The following EMCN variants were observed in gnomAD, a reference collection of about 807,000 sequenced individuals.
The protein encoded by EMCN is endomucin.
A neutral mutation model predicts 38.4 loss-of-function variants in EMCN; 37 were observed. The observed-to-expected ratio is 0.96, with a 90% CI of 0.74 to 1.27. EMCN has a LOEUF of 1.27. EMCN is among the 50% of genes most tolerant of loss of function. The probability of loss-of-function intolerance (pLI) is 0.00; values close to 1 mark genes in which losing one functional copy is unlikely to be tolerated. For missense variants in EMCN, 318 were observed against 302.8 expected (o/e 1.05, Z -0.37); for synonymous variants, 95 against 100.8 (o/e 0.94, Z 0.35).
At chr4:100,419,822 C>T (rs1726837682) in intron 8 of EMCN, among the ~76,000 whole-genome samples, 1 of 151,940 alleles carries the variant, frequency 6.6e-6, no homozygotes. Flanking sequence ...TACTTTTCAC[C>T]AAGAGCTAAA....
intron 10 of EMCN, among the ~76,000 whole-genome samples, chr4:100,414,348 CTTTTT>C (rs5860622): frequency 2.8e-3 from 169 of 59,774 alleles, no homozygotes; most frequent in African/African-American, 0.011. Flanking sequence ...TGCTTGAGCA[CTTTTT>C]TTTTTTTTTT....
Position 100,508,569 on chromosome 4 carries a change from A to G in EMCN, c.64+9282T>C, listed in dbSNP as rs114048796. On this transcript the variant is annotated intron_variant, in intron 1 of 11. Coordinates refer to ENST00000296420, the MANE Select transcript of EMCN (RefSeq NM_016242.4). ...GCTTTTGCTTCTGCACAAGATTAGG[A>G]TAAAGTTAATTACTCAACATACTGA... Among the ~76,000 whole-genome samples, 788 of 152,316 alleles carry G rather than the reference A, an allele frequency of 5.2e-3. 5 individuals carry two copies. The highest frequency in any genetic ancestry group is 8.5e-3 in the Non-Finnish European group (575 of 68,036).
chr4:100,477,379 G>T (rs970145580), intron 2 of EMCN, among the ~76,000 whole-genome samples: 1 of 152,150 alleles, frequency 6.6e-6, no homozygotes, highest in Non-Finnish European at 1.5e-5. Flanking sequence ...CACAAAATGT[G>T]CATTGCACTT....
At chr4:100,427,315 A>C (rs1265685912) in intron 5 of EMCN, among the ~76,000 whole-genome samples, 1 of 152,076 alleles carries the variant, frequency 6.6e-6, no homozygotes, top group East Asian at 1.9e-4. Context: ...TCTGTCTTCC[A>C]GGCTGAATTG....
At chr4:100,487,733 A>G (rs557094092) in intron 1 of EMCN, among the ~76,000 whole-genome samples, 45 of 152,320 alleles carry the variant, frequency 3.0e-4, no homozygotes, top group Middle Eastern at 6.8e-3. Context: ...CATGTAAGAC[A>G]TGAGTTTGCT....
intron 1 of EMCN, among the ~76,000 whole-genome samples, chr4:100,486,248 A>G (rs1560636206): frequency 6.6e-6 from 1 of 152,210 alleles, no homozygotes; most frequent in Non-Finnish European, 1.5e-5. Context: ...GAAAAGCCAG[A>G]TAACTGAACA....
Position 100,397,796 on chromosome 4 carries a change from T to C in EMCN, c.*617A>G, listed in dbSNP as rs1280147636. 2.0e-5 allele frequency: 3 copies of C among 152,146 alleles called. No homozygotes were observed. The highest frequency in any genetic ancestry group is 7.2e-5 in the African/African-American group (3 of 41,442). The allele number at this position is 152,146 out of a possible 1,614,324, so 9.4% of individuals were successfully genotyped here. A position where few individuals can be genotyped will look rare whatever the true frequency, so the allele number is the denominator to read the frequency against. On this transcript the variant is annotated 3_prime_UTR_variant, in exon 12 of 12. Coordinates refer to ENST00000296420, the MANE Select transcript of EMCN (RefSeq NM_016242.4). The stretch of plus-strand genomic sequence containing the variant: ...TCATAATTATAGGAAGACAATAACA[T>C]TGCCATTTTCACAGTCATGTTATAG...
chr4:100,450,066 T>C (rs1211556643), intron 4 of EMCN, among the ~76,000 whole-genome samples: 1 of 152,066 alleles, frequency 6.6e-6, no homozygotes, highest in East Asian at 1.9e-4. Context: ...TGAGTGAAGA[T>C]ATTTTCAATT....
At position 100,416,751 on chromosome 4, in the gene EMCN, A is replaced by G. The variant is rs1269685466; in HGVS notation, c.689+366T>C. On this transcript the variant is annotated intron_variant, in intron 9 of 11. Transcript: ENST00000296420. Reference sequence around the variant, plus strand: ...TCAAAGTAAAACAGCCATCTACCTTAAAGGCACTGAGAACTGGCTCAAGGT... The same window carrying G: ...TCAAAGTAAAACAGCCATCTACCTTGAAGGCACTGAGAACTGGCTCAAGGT... 2.0e-5 allele frequency among the ~76,000 whole-genome samples: 3 copies of G among 152,174 alleles called. No individual in the cohort carries two copies. The South Asian group carries it at 6.2e-4, about 31-fold the overall frequency.
At chr4:100,501,293 T>C (rs1385888671) in intron 1 of EMCN, among the ~76,000 whole-genome samples, 1 of 152,178 alleles carries the variant, frequency 6.6e-6, no homozygotes, top group Non-Finnish European at 1.5e-5. Context: ...GCAGCATTTA[T>C]TGAAAAGATC....
intron 1 of EMCN, among the ~76,000 whole-genome samples, chr4:100,487,255 C>G (rs974087961): frequency 7.2e-5 from 11 of 152,140 alleles, no homozygotes; most frequent in Admixed American, 6.5e-4. Context: ...TAAGCAACAA[C>G]AAATCCTTAT....
At chr4:100,421,655 G>C (rs1726892325) in intron 7 of EMCN, among the ~76,000 whole-genome samples, 1 of 151,952 alleles carries the variant, frequency 6.6e-6, no homozygotes, top group Non-Finnish European at 1.5e-5. Flanking sequence ...GTGGGGAGAT[G>C]GGAGACTGGA....
At chr4:100,493,444 G>A (rs1278119322) in intron 1 of EMCN, among the ~76,000 whole-genome samples, 1 of 152,132 alleles carries the variant, frequency 6.6e-6, no homozygotes, top group Non-Finnish European at 1.5e-5. Flanking sequence ...TGGTTCTGTG[G>A]GCTCCACATT....
chr4:100,480,052 AAGT>A lies in EMCN; in HGVS notation c.65-16_65-14del. On this transcript the variant is annotated splice_polypyrimidine_tract_variant and intron_variant, in intron 1 of 11. Coordinates refer to ENST00000296420, the MANE Select transcript of EMCN (RefSeq NM_016242.4). Reference sequence around the variant, plus strand: ...GCCTCTAAAACACCTGAAAAAAGTAAAGTAGTTGCATTAACATTTACATATAGT... The same window carrying A: ...GCCTCTAAAACACCTGAAAAAAGTAAAGTTGCATTAACATTTACATATAGT... 1 of 1,602,586 alleles carries A rather than the reference AAGT, an allele frequency of 6.2e-7. No homozygotes were observed. Among genetic ancestry groups the A allele is most frequent in the African/African-American group, 1.3e-5 (1 of 74,382 alleles).
At chr4:100,444,141 AG>A (rs1370674598) in intron 5 of EMCN, among the ~76,000 whole-genome samples, 2 of 152,144 alleles carry the variant, frequency 1.3e-5, no homozygotes, top group Non-Finnish European at 2.9e-5. Flanking sequence ...GTCAGACTGC[AG>A]GGGTGTAGTG....
intron 5 of EMCN, among the ~76,000 whole-genome samples, chr4:100,445,253 A>G (rs573772243): frequency 6.6e-6 from 1 of 152,192 alleles, no homozygotes; most frequent in Admixed American, 6.5e-5. Context: ...TGTCACCAAC[A>G]TGGATCTATT....
At chr4:100,423,244 T>C in intron 6 of EMCN, 68 bp downstream of exon 6, 17 of 1,388,702 alleles carry the variant, frequency 1.2e-5, no homozygotes, top group Middle Eastern at 1.8e-4. Flanking sequence ...TGAGTCAAGA[T>C]TGTTAGGGTT....
intron 1 of EMCN, among the ~76,000 whole-genome samples, chr4:100,515,648 G>A (rs541287898): frequency 6.6e-6 from 1 of 152,106 alleles, no homozygotes; most frequent in South Asian, 2.1e-4. Context: ...GTGAATTTAA[G>A]GCAGATGAAA....
At chr4:100,498,904 C>T (rs2110298787) in intron 1 of EMCN, among the ~76,000 whole-genome samples, 1 of 152,200 alleles carries the variant, frequency 6.6e-6, no homozygotes, top group Admixed American at 6.5e-5. Flanking sequence ...AATTTACTTA[C>T]ATATCTTATT....
Sources: allele counts gnomAD v4.1 joint callset (sites outside exome capture counted in the v4.1 genomes callset), GRCh38; gene constraint gnomAD v4.1.1; transcripts MANE v1.5; gene names NCBI Gene and HGNC (gene_info 2026-07-23, HGNC 2026-07-21).